Variants in COG5 observed in about 807,000 individuals in gnomAD.
The protein encoded by COG5 is component of oligomeric golgi complex 5.
A neutral mutation model predicts 110.4 loss-of-function variants in COG5; 86 were observed. The ratio of observed to expected loss-of-function variants is 0.78; its 90% confidence interval spans 0.65 to 0.93. The LOEUF (loss-of-function observed/expected upper bound fraction) is 0.93. Ranked by LOEUF, COG5 falls within the 40% of genes least tolerant of loss-of-function variation. The pLI is 0.00. For synonymous variants in COG5, 360 were observed against 334.6 expected, an observed-to-expected ratio of 1.08 and a Z score of -0.83; for missense variants, 1,077 against 987.0, an observed-to-expected ratio of 1.09 and a Z score of -1.22.
intron 14 of COG5, among the ~76,000 whole-genome samples, chr7:107,278,101 T>A (rs1376438195): frequency 6.6e-6 from 1 of 152,180 alleles, no homozygotes; most frequent in Non-Finnish European, 1.5e-5. Context: ...CATTTCAGAT[T>A]ATGAAAAGCT....
chr7:107,210,584 G>A lies in COG5; in HGVS notation c.2317C>T (p.Arg773Cys), dbSNP rs767217808. 29 of 1,604,044 alleles carry A rather than the reference G, an allele frequency of 1.8e-5. No homozygotes were observed. The Admixed American group carries it at 2.6e-4, about 14-fold the overall frequency. Reference protein sequence around the residue: ...PFQRAEWSHTRFSQWLDDHPS... With the variant: ...PFQRAEWSHTCFSQWLDDHPS... ...TGGTCATCCAGCCACTGAGAGAAGC[G>A]TGTGTGGGACCACTCTGCCCTCTGC... The change falls in exon 21 of 22, where the codon CGC (arginine) becomes TGC (cysteine). Residue 773 changes from arginine to cysteine, a missense_variant. Transcript: ENST00000297135.
At chr7:107,211,061 G>T (rs1216881238) in intron 20 of COG5, 38 bp downstream of exon 20, 1 of 1,611,188 alleles carries the variant, frequency 6.2e-7, no homozygotes, top group Non-Finnish European at 8.5e-7. Flanking sequence ...GTAATGGGAA[G>T]AGTCACAAAA....
intron 1 of COG5, among the ~76,000 whole-genome samples, chr7:107,562,520 T>G (rs531695965): frequency 6.6e-6 from 1 of 152,216 alleles, no homozygotes; most frequent in Non-Finnish European, 1.5e-5. Flanking sequence ...CCTACCTTTA[T>G]AGTCTACAAG....
At chr7:107,471,297 A>G (rs1405729281) in intron 6 of COG5, 1 of 152,098 alleles carries the variant, frequency 6.6e-6, no homozygotes, top group Admixed American at 6.6e-5. Context: ...TTTTTAAACA[A>G]AACTAAAGTA....
intron 6 of COG5, among the ~76,000 whole-genome samples, chr7:107,422,768 A>T (rs938540252): frequency 2.1e-5 from 3 of 143,982 alleles, no homozygotes; most frequent in African/African-American, 5.1e-5. Context: ...AGCAATTTTT[A>T]AAAAACTGGA....
rs1171649751 is a variant in COG5, at chr7:107,415,834, ATGTG to A, written c.539-3206_539-3203del. 1.5e-4 allele frequency among the ~76,000 whole-genome samples: 12 copies of A among 80,062 alleles called. 1 individual carries two copies. Among genetic ancestry groups the A allele is most frequent in the South Asian group, 6.3e-4 (2 of 3,152 alleles). The allele number at this position is 80,062 out of a possible 152,430, so 52.5% of individuals were successfully genotyped here. ...TATACACACATACACGTATGTATGT[ATGTG>A]TGTGTATATATACACACACATACAC... On this transcript the variant is annotated intron_variant, in intron 6 of 21. Transcript: ENST00000297135.
chr7:107,352,154 T>C (rs1047459801), intron 10 of COG5, among the ~76,000 whole-genome samples: 12 of 149,248 alleles, frequency 8.0e-5, no homozygotes, highest in Non-Finnish European at 1.6e-4. Flanking sequence ...TTCATATCCT[T>C]TGTAGGGACA....
intron 5 of COG5, among the ~76,000 whole-genome samples, chr7:107,544,665 C>T (rs182433776): frequency 2.6e-5 from 4 of 152,266 alleles, no homozygotes; most frequent in Non-Finnish European, 4.4e-5. Context: ...AAGAACTTTG[C>T]CAGCCAAAGC....
chr7:107,319,927 T>C (rs765098715), intron 11 of COG5, among the ~76,000 whole-genome samples: 1 of 152,124 alleles, frequency 6.6e-6, no homozygotes, highest in Non-Finnish European at 1.5e-5. Context: ...TGCCTGTGAA[T>C]AGTCACTGCA....
intron 5 of COG5, among the ~76,000 whole-genome samples, chr7:107,545,257 A>T (rs927171941): frequency 6.6e-6 from 1 of 152,216 alleles, no homozygotes; most frequent in African/African-American, 2.4e-5. Flanking sequence ...AATGTAAAAA[A>T]TATCCAGGTA....
At chr7:107,313,012 A>C (rs1036497516) in intron 11 of COG5, among the ~76,000 whole-genome samples, 23 of 152,134 alleles carry the variant, frequency 1.5e-4, no homozygotes, top group African/African-American at 5.6e-4. Context: ...GTGGAGTAGA[A>C]GTTTCTTCCC....
At chr7:107,457,283 C>T (rs983519231) in intron 6 of COG5, among the ~76,000 whole-genome samples, 1 of 141,618 alleles carries the variant, frequency 7.1e-6, no homozygotes, top group African/African-American at 2.7e-5. Context: ...ACAAATCAGA[C>T]ACTATAAAAG....
At chr7:107,508,212 A>C (rs1406205345) in intron 6 of COG5, among the ~76,000 whole-genome samples, 2 of 152,244 alleles carry the variant, frequency 1.3e-5, no homozygotes, top group South Asian at 2.1e-4. Context: ...GCTTAAAAAA[A>C]CGGCACACCA....
chr7:107,438,639 T>C (rs1794514424), intron 6 of COG5, among the ~76,000 whole-genome samples: 1 of 152,166 alleles, frequency 6.6e-6, no homozygotes, highest in Admixed American at 6.5e-5. Flanking sequence ...CCCTGGACTA[T>C]CACATGAGAA....
rs756618451 is a variant in COG5 at position 107,211,182 on chromosome 7, C to A, written c.2212G>T (p.Ala738Ser). The A allele has an allele frequency of 6.2e-6, 10 of 1,613,924 alleles. No individual in the cohort carries two copies. The highest frequency in any genetic ancestry group is 5.3e-5 in the African/African-American group (4 of 74,892). ...CTGAACGGAATCACATCCCCCAATG[C>A]AGGACTACTGGCTACATGTTCACTT... Reference protein sequence around the residue: ...QASEHVASSPALGDVIPFSII... With the variant: ...QASEHVASSPSLGDVIPFSII... Residue 738 changes from alanine (A) to serine (S), a missense_variant, in exon 20 of 22, where the codon GCA (alanine) becomes TCA (serine). Coordinates refer to ENST00000297135, the MANE Select transcript of COG5 (RefSeq NM_006348.5).
chr7:107,249,346 A>G (rs894658780), intron 16 of COG5, among the ~76,000 whole-genome samples: 1 of 152,020 alleles, frequency 6.6e-6, no homozygotes, highest in African/African-American at 2.4e-5. Context: ...CGGAATACAG[A>G]ACAGCCCCTA....
intron 6 of COG5, among the ~76,000 whole-genome samples, chr7:107,499,504 C>A (rs1163273233): frequency 6.6e-6 from 1 of 151,476 alleles, no homozygotes; most frequent in African/African-American, 2.4e-5. Flanking sequence ...CTCCCAGGTT[C>A]AAGCCATTCT....
intron 10 of COG5, among the ~76,000 whole-genome samples, chr7:107,326,119 A>G (rs1446379887): frequency 6.6e-6 from 1 of 152,218 alleles, no homozygotes; most frequent in Non-Finnish European, 1.5e-5. Flanking sequence ...CTGATGATAA[A>G]AACACTCAAC....
intron 19 of COG5, among the ~76,000 whole-genome samples, chr7:107,211,921 A>G (rs1033847131): frequency 1.3e-5 from 2 of 152,234 alleles, no homozygotes; most frequent in Non-Finnish European, 2.9e-5. Context: ...GCTGATTAGA[A>G]GCGGAGCTGT....
Sources: gnomAD v4.1 joint callset for allele counts (sites outside exome capture counted in the v4.1 genomes callset) on GRCh38, gnomAD v4.1.1 for gene constraint, MANE v1.5 for transcripts, NCBI Gene and HGNC (gene_info 2026-07-23, HGNC 2026-07-21) for gene names.